Variants in PPM1G observed in about 807,000 individuals in gnomAD.
PPM1G encodes protein phosphatase 1G.
A neutral mutation model predicts 59.4 loss-of-function variants in PPM1G; 12 were observed. That is an observed-to-expected ratio of 0.20 (90% CI 0.13 to 0.33). PPM1G has a LOEUF of 0.33. PPM1G is among the 10% of genes least tolerant of loss of function. PPM1G has a pLI of 1.00. For missense variants in PPM1G, 392 were observed against 681.3 expected, an observed-to-expected ratio of 0.58 and a Z score of 4.73; for synonymous variants, 245 against 251.9, an observed-to-expected ratio of 0.97 and a Z score of 0.26.
intron 1 of PPM1G, among the ~76,000 whole-genome samples, chr2:27,396,855 A>G (rs1684065840): frequency 6.6e-6 from 1 of 151,628 alleles, no homozygotes; most frequent in Non-Finnish European, 1.5e-5. Flanking sequence ...CTAAGATGGT[A>G]ATTTTTATGT....
chr2:27,402,698 C>T (rs952005166), intron 1 of PPM1G, among the ~76,000 whole-genome samples: 6 of 151,468 alleles, frequency 4.0e-5, no homozygotes, highest in African/African-American at 1.5e-4. Flanking sequence ...AGTCCAGCTA[C>T]GCGGGAGGCT....
At chr2:27,406,561 T>G (rs1013090316) in intron 1 of PPM1G, among the ~76,000 whole-genome samples, 1 of 152,160 alleles carries the variant, frequency 6.6e-6, no homozygotes, top group Non-Finnish European at 1.5e-5. Context: ...GGAGGAAGAT[T>G]AGGATGTAAG....
Position 27,382,314 on chromosome 2 carries a change from T to C in PPM1G, c.1332-86A>G, listed in dbSNP as rs1285334583. On this transcript the variant is annotated intron_variant, in intron 8 of 9. Coordinates refer to ENST00000344034, the MANE Select transcript of PPM1G (RefSeq NM_177983.3). The surrounding 1 kb of genome is among the most constrained non-coding windows in gnomAD (Gnocchi z 4.2). ...GGACAGAGGTGGTGGCCCAGGCCAGTGTAAATAACTACAGAAATTCTCAGC... is the reference window on the plus strand; with the variant it reads ...GGACAGAGGTGGTGGCCCAGGCCAGCGTAAATAACTACAGAAATTCTCAGC... 53 of 1,554,104 alleles carry C rather than the reference T, an allele frequency of 3.4e-5. 2 individuals carry two copies. The South Asian group carries it at 3.7e-4, about 11-fold the overall frequency.
In PPM1G at chr2:27,382,310, C is replaced by T. The variant is rs1683653705; in HGVS notation, c.1332-82G>A. ...GTATGGACAGAGGTGGTGGCCCAGGCCAGTGTAAATAACTACAGAAATTCT... is the reference window on the plus strand; with the variant it reads ...GTATGGACAGAGGTGGTGGCCCAGGTCAGTGTAAATAACTACAGAAATTCT... On this transcript the variant is annotated intron_variant, in intron 8 of 9. Coordinates refer to ENST00000344034, the MANE Select transcript of PPM1G (RefSeq NM_177983.3). This position sits in a 1 kb window ranked among gnomAD's most constrained non-coding sequence, Gnocchi z 4.2. The T allele has an allele frequency of 6.4e-7, 1 of 1,559,958 alleles. No individual in the cohort carries two copies. Among genetic ancestry groups the T allele is most frequent in the South Asian group, 1.1e-5 (1 of 89,534 alleles).
In PPM1G at chr2:27,382,370, C is replaced by A; in HGVS notation, c.1331+106G>T. The A allele has an allele frequency of 6.4e-7, 1 of 1,568,424 alleles. No individual in the cohort carries two copies. Among genetic ancestry groups the A allele is most frequent in the Non-Finnish European group, 8.7e-7 (1 of 1,150,980 alleles). ...CTTAGTCTGGGTGCTCTTCACCCAC[C>A]AAGAGGCCTAGGTCTGCCTAGGCTC... On this transcript the variant is annotated intron_variant, in intron 8 of 9. Transcript: ENST00000344034. The surrounding 1 kb of genome is among the most constrained non-coding windows in gnomAD (Gnocchi z 4.2).
Position 27,386,274 on chromosome 2 carries a change from C to A in PPM1G, c.196G>T (p.Glu66Ter). The change falls in exon 3 of 10, where the codon GAA becomes TAA. Residue 66 changes from glutamate (E) to a stop codon, truncating the protein, a stop_gained. Coordinates refer to ENST00000344034, the MANE Select transcript of PPM1G (RefSeq NM_177983.3). LOFTEE classifies it high-confidence loss of function. ...FSVYDGHGGE[E>*]VALYCAKYLP... The stretch of plus-strand genomic sequence containing the variant: ...TATTTGGCACAGTACAAGGCAACTT[C>A]CTCCCCTAGAAGGAAAGGAAGGAAG... 6.2e-7 allele frequency: 1 copy of A among 1,611,978 alleles called. No individual in the cohort carries two copies. Among genetic ancestry groups the A allele is most frequent in the South Asian group, 1.1e-5 (1 of 91,026 alleles).
chr2:27,403,223 C>G (rs1684226644), intron 1 of PPM1G, among the ~76,000 whole-genome samples: 1 of 152,082 alleles, frequency 6.6e-6, no homozygotes, highest in Non-Finnish European at 1.5e-5. Context: ...GCGGGCAGAT[C>G]ACTTGAGGCC....
At chr2:27,396,613 G>C (rs1684059924) in intron 1 of PPM1G, among the ~76,000 whole-genome samples, 1 of 151,980 alleles carries the variant, frequency 6.6e-6, no homozygotes, top group African/African-American at 2.4e-5. Context: ...TGAGGAGTTA[G>C]AGACCAGCCT....
At chr2:27,406,322 G>A (rs1663360256) in intron 1 of PPM1G, among the ~76,000 whole-genome samples, 1 of 152,122 alleles carries the variant, frequency 6.6e-6, no homozygotes, top group Non-Finnish European at 1.5e-5. Context: ...GAAGAGGCTA[G>A]AACTCATAGT....
In PPM1G at chr2:27,382,273, C is replaced by T; in HGVS notation, c.1332-45G>A. 1 of 1,594,888 alleles carries T rather than the reference C, an allele frequency of 6.3e-7. No individual in the cohort carries two copies. Among genetic ancestry groups the T allele is most frequent in the South Asian group, 1.1e-5 (1 of 90,656 alleles). On this transcript the variant is annotated intron_variant, in intron 8 of 9. Coordinates refer to ENST00000344034, the MANE Select transcript of PPM1G (RefSeq NM_177983.3). This position sits in a 1 kb window ranked among gnomAD's most constrained non-coding sequence, Gnocchi z 4.2. ...TCAGAATCTTCCAGTCTCACTAAGG[C>T]AGCGTAGAGGAGTATGGACAGAGGT...
rs1164406135 is a variant in PPM1G at position 27,385,067 on chromosome 2, A to G, written c.431T>C (p.Leu144Pro). 6.2e-7 allele frequency: 1 copy of G among 1,608,450 alleles called. No homozygotes were observed. Among genetic ancestry groups the G allele is most frequent in the Non-Finnish European group, 8.5e-7 (1 of 1,177,960 alleles). ...EDDVDNEEAA[L>P]LHEEATMTIE... Reference sequence around the variant, plus strand: ...AGTCATGGTAGCCTCTTCATGCAGCAGTGCAGCCTCCTCATTGTCCACTGC... The same window carrying G: ...AGTCATGGTAGCCTCTTCATGCAGCGGTGCAGCCTCCTCATTGTCCACTGC... Residue 144 changes from leucine (L) to proline (P), a missense_variant, in exon 5 of 10, where the codon CTG (leucine) becomes CCG (proline). Physicochemically the swap from Leu to Pro is moderately conservative, Grantham distance 98. Transcript: ENST00000344034. This position sits in a 1 kb window ranked among gnomAD's most constrained non-coding sequence, Gnocchi z 4.1.
At chr2:27,402,806 C>CAATAAATAAATAAATA (rs201750083) in intron 1 of PPM1G, among the ~76,000 whole-genome samples, 1 of 140,834 alleles carries the variant, frequency 7.1e-6, no homozygotes, top group Non-Finnish European at 1.5e-5. Flanking sequence ...GACTCCATCT[C>CAATAAATAAATAAATA]AATAAATAAA....
At chr2:27,393,662 GCAACCT>G (rs1683974337) in intron 1 of PPM1G, among the ~76,000 whole-genome samples, 1 of 151,874 alleles carries the variant, frequency 6.6e-6, no homozygotes, top group African/African-American at 2.4e-5. Context: ...TTGGCTCCCC[GCAACCT>G]CCATCTCCCG....
In PPM1G at chr2:27,387,860, G is replaced by GCGA. The variant is rs528882165; in HGVS notation, c.121-705_121-703dup. ...GTCGCCCAGCCTGGAGGGCAGTGGT[G>GCGA]CGATCTCTGCTCACTGCAAGCTTCG... On this transcript the variant is annotated intron_variant, in intron 1 of 9. Transcript: ENST00000344034. Among the ~76,000 whole-genome samples, 58 of 152,154 alleles carry GCGA rather than the reference G, an allele frequency of 3.8e-4. 2 individuals are homozygous for GCGA. In the South Asian group the frequency reaches 0.012, roughly 30 times the overall value.
chr2:27,407,277 T>C (rs1663405820), intron 1 of PPM1G, among the ~76,000 whole-genome samples: 3 of 151,844 alleles, frequency 2.0e-5, no homozygotes, highest in Admixed American at 2.0e-4. Context: ...ATTCATTTAT[T>C]TTTTGAGACA....
intron 1 of PPM1G, among the ~76,000 whole-genome samples, chr2:27,398,561 C>T (rs887220681): frequency 4.6e-5 from 7 of 152,130 alleles, no homozygotes; most frequent in South Asian, 4.1e-4. Context: ...TGGTGGCTCA[C>T]GTCTGTAATC....
At chr2:27,388,874 C>CAA (rs376279784) in intron 1 of PPM1G, among the ~76,000 whole-genome samples, 11 of 116,850 alleles carry the variant, frequency 9.4e-5, no homozygotes, top group South Asian at 2.7e-4. Flanking sequence ...GACTCCGTCT[C>CAA]AAAAAAAAAA....
chr2:27,394,602 G>A (rs1204270395), intron 1 of PPM1G, among the ~76,000 whole-genome samples: 12 of 151,968 alleles, frequency 7.9e-5, no homozygotes, highest in African/African-American at 2.4e-4. Context: ...GTGGTGGCAC[G>A]CGCCTGTAGT....
chr2:27,388,705 C>A (rs1032168280), intron 1 of PPM1G, among the ~76,000 whole-genome samples: 1 of 151,878 alleles, frequency 6.6e-6, no homozygotes, highest in Non-Finnish European at 1.5e-5. Context: ...GAAACCCCGT[C>A]TCTACTAAAA....
Sources: gnomAD v4.1 joint callset for allele counts (sites outside exome capture counted in the v4.1 genomes callset) on GRCh38, gnomAD v4.1.1 for gene constraint, Gnocchi (gnomAD v3.1) non-coding constraint, MANE v1.5 for transcripts, NCBI Gene and HGNC (gene_info 2026-07-23, HGNC 2026-07-21) for gene names.